OSGIN2: variants seen among roughly 807,000 people sequenced by gnomAD.
OSGIN2 encodes the protein oxidative stress-induced growth inhibitor 2.
OSGIN2 carries 19 observed loss-of-function variants against 53.8 expected under a neutral mutation model. The observed-to-expected ratio is 0.35, with a 90% confidence interval of 0.25 to 0.52. The LOEUF (loss-of-function observed/expected upper bound fraction) is 0.52, where lower values mean the gene tolerates loss of function less well. OSGIN2 is among the 20% of genes least tolerant of loss of function. The pLI, the probability that OSGIN2 is intolerant of heterozygous loss-of-function variation, is 0.95. For synonymous variants in OSGIN2, 236 were observed against 236.0 expected, an observed-to-expected ratio of 1.00 and a Z score of 0.00; for missense variants, 520 against 662.7, an observed-to-expected ratio of 0.78 and a Z score of 2.36.
In OSGIN2 at chr8:89,925,492, A is replaced by G. The variant is rs746197056; in HGVS notation, c.1610A>G (p.His537Arg). ...RCLATRQKKKHLFVERGGGDG... is the reference protein window; with the variant it reads ...RCLATRQKKKRLFVERGGGDG... ...TTAGCTACAAGACAGAAGAAAAAGC[A>G]TTTGTTTGTTGAAAGAGGAGGAGGA... is the stretch of plus-strand genomic sequence containing the variant. The change falls in exon 6 of 6, where the codon CAT becomes CGT. Residue 537 changes from histidine (H) to arginine (R), a missense_variant. By Grantham distance (29) the His-to-Arg change is conservative. Transcript: ENST00000451899. 6.2e-7 allele frequency: 1 copy of G among 1,613,800 alleles called. No homozygotes were observed. Among genetic ancestry groups the G allele is most frequent in the East Asian group, 2.2e-5 (1 of 44,870 alleles).
Position 89,921,072 on chromosome 8 carries a change from T to G in OSGIN2, c.529-8T>G. The G allele has an allele frequency of 6.6e-7, 1 of 1,522,774 alleles. No homozygotes were observed. Among genetic ancestry groups the G allele is most frequent in the Non-Finnish European group, 9.0e-7 (1 of 1,117,258 alleles). 94.3% of individuals were successfully genotyped at this position (1,522,774 alleles called of 1,614,324 possible). On this transcript the variant is annotated splice_polypyrimidine_tract_variant and splice_region_variant and intron_variant, in intron 4 of 5. Transcript: ENST00000451899. ...TGACGGTACATTTTTTTTTTTAAAC[T>G]CTAATAGAATATGGAAGGCTCCATG...
chr8:89,921,188 A>G lies in OSGIN2; in HGVS notation c.620+17A>G. ...TAAACGAAGGTAAAGATTGAACTGT[A>G]TTAAAATTCTTTGGTGTACGTTGAA... is the stretch of plus-strand genomic sequence containing the variant. On this transcript the variant is annotated intron_variant, in intron 5 of 5. Transcript: ENST00000451899. 1.4e-6 allele frequency: 2 copies of G among 1,424,216 alleles called. No homozygotes were observed. The highest frequency in any genetic ancestry group is 1.9e-6 in the Non-Finnish European group (2 of 1,031,490). The allele number at this position is 1,424,216 out of a possible 1,614,324, so 88.2% of individuals were successfully genotyped here. A position where few individuals can be genotyped will look rare whatever the true frequency, so the allele number is the denominator to read the frequency against.
rs76528813 is a variant in OSGIN2 at position 89,913,850 on chromosome 8, T to C, written c.200-227T>C. Among the ~76,000 whole-genome samples, 867 of 152,312 alleles carry C rather than the reference T, an allele frequency of 5.7e-3. 7 individuals are homozygous for C. The highest frequency in any genetic ancestry group is 0.02 in the African/African-American group (822 of 41,572). ...GAAATAGGTCAATTTAGAGAACTAATTTTGGATGTCAGTAGCCTAGAGAGT... is the reference window on the plus strand; with the variant it reads ...GAAATAGGTCAATTTAGAGAACTAACTTTGGATGTCAGTAGCCTAGAGAGT... On this transcript the variant is annotated intron_variant, in intron 2 of 5. Coordinates refer to ENST00000451899, the MANE Select transcript of OSGIN2 (RefSeq NM_001126111.3).
At position 89,925,448 on chromosome 8, in the gene OSGIN2, G is replaced by A. The variant is rs766295663; in HGVS notation, c.1566G>A (p.Ala522=). 8 of 1,614,022 alleles carry A rather than the reference G, an allele frequency of 5.0e-6. No homozygotes were observed. Among genetic ancestry groups the A allele is most frequent in the African/African-American group, 2.7e-5 (2 of 74,932 alleles). ...TTGTTCGATTTTTAAAGGGAGGGGC[G>A]CTGGGTGTTACACGCTGTTTAGCTA... ...DNFVRFLKGG[A]LGVTRCLATR... The change falls in exon 6 of 6, where the codon GCG becomes GCA. Residue 522 remains alanine, a synonymous_variant. Coordinates refer to ENST00000451899, the MANE Select transcript of OSGIN2 (RefSeq NM_001126111.3).
rs1809381928 is a variant in OSGIN2, at chr8:89,927,812, GATTGT to G, written c.*2284_*2288del. 1 of 152,122 alleles carries G rather than the reference GATTGT, an allele frequency of 6.6e-6. No homozygotes were observed. Among genetic ancestry groups the G allele is most frequent in the Admixed American group, 6.6e-5 (1 of 15,264 alleles). 9.4% of individuals were successfully genotyped at this position (152,122 alleles called of 1,614,324 possible). ...ATTTCTGTGGCATCAAATTTTAGTTGATTGTATTAGTCAATAGGAAGTGGTGGAAA... is the reference window on the plus strand; with the variant it reads ...ATTTCTGTGGCATCAAATTTTAGTTGATTAGTCAATAGGAAGTGGTGGAAA... On this transcript the variant is annotated 3_prime_UTR_variant, in exon 6 of 6. Transcript: ENST00000451899.
At chr8:89,902,375 T>C (rs1057460487), upstream of OSGIN2, among the ~76,000 whole-genome samples, 1 of 152,082 alleles carries the variant, frequency 6.6e-6, no homozygotes, top group African/African-American at 2.4e-5. Flanking sequence ...GCAGTTTGCC[T>C]GCAGACCTCG....
At position 89,927,461 on chromosome 8, in the gene OSGIN2, T is replaced by C. The variant is rs1276264536; in HGVS notation, c.*1929T>C. 6.6e-6 allele frequency: 1 copy of C among 152,246 alleles called. No homozygotes were observed. 9.4% of individuals were successfully genotyped at this position (152,246 alleles called of 1,614,324 possible). ...GCATTTTCTCTGATATACTATACTC[T>C]CATGTTCTATAAATTTCTGTCCCGT... is the stretch of plus-strand genomic sequence containing the variant. On this transcript the variant is annotated 3_prime_UTR_variant, in exon 6 of 6. Coordinates refer to ENST00000451899, the MANE Select transcript of OSGIN2 (RefSeq NM_001126111.3).
In OSGIN2 at chr8:89,927,838, G is replaced by A. The variant is rs921035516; in HGVS notation, c.*2306G>A. ...ATTGTATTAGTCAATAGGAAGTGGT[G>A]GAAAATTTCTAAATAAATTCAACTA... On this transcript the variant is annotated 3_prime_UTR_variant, in exon 6 of 6. Transcript: ENST00000451899. 6.6e-6 allele frequency: 1 copy of A among 152,066 alleles called. No homozygotes were observed. The highest frequency in any genetic ancestry group is 1.5e-5 in the Non-Finnish European group (1 of 68,004). The allele number at this position is 152,066 out of a possible 1,614,324, so 9.4% of individuals were successfully genotyped here.
At position 89,907,600 on chromosome 8, in the gene OSGIN2, C is replaced by G. The variant is rs1328458780; in HGVS notation, c.45-1967C>G. ...GTGTGTGGTCTTATTTGTGGGTTTT[C>G]TCTTCCATTGGTCTATGTGTCTGTT... On this transcript the variant is annotated intron_variant, in intron 1 of 5. Transcript: ENST00000451899. Among the ~76,000 whole-genome samples, 7 of 152,170 alleles carry G rather than the reference C, an allele frequency of 4.6e-5. No homozygotes were observed. The South Asian group carries it at 8.3e-4, about 18-fold the overall frequency.
chr8:89,902,882 G>A (rs1367994922), intron 1 of OSGIN2, 45 bp downstream of exon 1: 4 of 1,292,034 alleles, frequency 3.1e-6, no homozygotes, highest in Non-Finnish European at 4.0e-6. Context: ...CGGGGATGCC[G>A]CGCTCTCGAG....
intron 2 of OSGIN2, 76 bp downstream of exon 2, chr8:89,909,797 A>G (rs1808930990): frequency 2.1e-6 from 2 of 936,632 alleles, no homozygotes; most frequent in East Asian, 2.9e-5. Flanking sequence ...AGTTAGTACA[A>G]GTTCTTAAGA....
intron 4 of OSGIN2, among the ~76,000 whole-genome samples, chr8:89,920,679 TA>T (rs1360585450): frequency 6.6e-6 from 1 of 152,230 alleles, no homozygotes; most frequent in Non-Finnish European, 1.5e-5. Context: ...GAAAGCCATC[TA>T]AAATTTTGGA....
At chr8:89,916,577 G>A (rs1014267257) in intron 4 of OSGIN2, among the ~76,000 whole-genome samples, 4 of 152,106 alleles carry the variant, frequency 2.6e-5, no homozygotes, top group African/African-American at 9.7e-5. Flanking sequence ...TAATTAACCT[G>A]AGTTGTGACT....
At chr8:89,917,106 T>C (rs1037662100) in intron 4 of OSGIN2, among the ~76,000 whole-genome samples, 37 of 152,196 alleles carry the variant, frequency 2.4e-4, no homozygotes, top group African/African-American at 8.9e-4. Flanking sequence ...GTTACCACCT[T>C]GAATAATTTT....
At chr8:89,909,021 A>C (rs1808899120) in intron 1 of OSGIN2, among the ~76,000 whole-genome samples, 1 of 114,602 alleles carries the variant, frequency 8.7e-6, no homozygotes, top group Admixed American at 8.5e-5. Flanking sequence ...CAAAAAAAAA[A>C]AAAAAAAAAA....
intron 4 of OSGIN2, among the ~76,000 whole-genome samples, chr8:89,917,182 A>G (rs993789201): frequency 6.6e-6 from 1 of 152,196 alleles, no homozygotes; most frequent in East Asian, 1.9e-4. Flanking sequence ...CTCATTCTTG[A>G]TGATGATGTA....
rs766516614 is a variant in OSGIN2 at position 89,925,714 on chromosome 8, A to G, written c.*182A>G. The G allele has an allele frequency of 2.1e-5, 11 of 521,656 alleles. No individual in the cohort carries two copies. Among genetic ancestry groups the G allele is most frequent in the Non-Finnish European group, 3.7e-5 (11 of 295,442 alleles). 32.3% of individuals were successfully genotyped at this position (521,656 alleles called of 1,614,324 possible). A position where few individuals can be genotyped will look rare whatever the true frequency, so the allele number is the denominator to read the frequency against. ...TCCTGATTTATATTGCAGTGTTTCAAAGGTGTCACTGTCAGACAAATAGAA... is the reference window on the plus strand; with the variant it reads ...TCCTGATTTATATTGCAGTGTTTCAGAGGTGTCACTGTCAGACAAATAGAA... On this transcript the variant is annotated 3_prime_UTR_variant, in exon 6 of 6. Transcript: ENST00000451899.
At chr8:89,922,601 T>G (rs774865379) in intron 5 of OSGIN2, among the ~76,000 whole-genome samples, 3 of 152,224 alleles carry the variant, frequency 2.0e-5, no homozygotes, top group Non-Finnish European at 4.4e-5. Flanking sequence ...AGAAGACTCT[T>G]AGGTCTCTAG....
At chr8:89,911,609 G>A (rs1280151295) in intron 2 of OSGIN2, among the ~76,000 whole-genome samples, 8 of 147,722 alleles carry the variant, frequency 5.4e-5, no homozygotes, top group Admixed American at 1.4e-4. Flanking sequence ...CAGCTTGGGC[G>A]ACAAGTGAAA....
Sources: gnomAD v4.1 joint callset for allele counts (sites outside exome capture counted in the v4.1 genomes callset) on GRCh38, gnomAD v4.1.1 for gene constraint, MANE v1.5 for transcripts, NCBI Gene and HGNC (gene_info 2026-07-23, HGNC 2026-07-21) for gene names.